DLGAP1: variants seen among roughly 807,000 people sequenced by gnomAD.
DLGAP1 encodes disks large-associated protein 1.
In DLGAP1, 11 loss-of-function variants were observed where a neutral mutation model predicts 90.8. That is an observed-to-expected ratio of 0.12 (90% confidence interval 0.08 to 0.20). The LOEUF (loss-of-function observed/expected upper bound fraction) is 0.20, where lower values mean the gene tolerates loss of function less well. DLGAP1 is among the 10% of genes least tolerant of loss of function. The pLI is 1.00. For missense variants in DLGAP1, 1,050 were observed against 1,333.8 expected (o/e 0.79, Z 3.31); for synonymous variants, 558 against 540.7 (o/e 1.03, Z -0.44).
intron 2 of DLGAP1, among the ~76,000 whole-genome samples, chr18:4,123,328 G>A (rs1206166082): frequency 6.6e-6 from 1 of 152,070 alleles, no homozygotes; most frequent in Non-Finnish European, 1.5e-5. Flanking sequence ...AATGTAGGCC[G>A]AGGAAACTGT....
intron 3 of DLGAP1, among the ~76,000 whole-genome samples, chr18:3,959,668 A>AG (rs200027051): frequency 0.22 from 32,548 of 149,114 alleles, 3,646 homozygotes; most frequent in African/African-American, 0.26. Context: ...TGTCTCAAAA[A>AG]AAAAGAAAGA....
intron 4 of DLGAP1, among the ~76,000 whole-genome samples, chr18:3,865,782 C>T (rs1216509366): frequency 6.6e-6 from 1 of 152,162 alleles, no homozygotes; most frequent in Admixed American, 6.5e-5. Context: ...ACGGCTACCC[C>T]AGAAACTTCC....
intron 3 of DLGAP1, among the ~76,000 whole-genome samples, chr18:3,887,808 G>A (rs561087594): frequency 6.7e-5 from 10 of 148,916 alleles, no homozygotes; most frequent in Admixed American, 2.0e-4. Flanking sequence ...GCACTTTTGC[G>A]TAAAAGTAAA....
At chr18:3,576,135 T>C (rs926421322) in intron 8 of DLGAP1, among the ~76,000 whole-genome samples, 8 of 152,192 alleles carry the variant, frequency 5.3e-5, no homozygotes, top group Admixed American at 2.0e-4. Context: ...GGCCTCCTTG[T>C]CAGCTGGTTT....
At chr18:3,589,162 T>G (rs994699818) in intron 7 of DLGAP1, among the ~76,000 whole-genome samples, 1 of 151,940 alleles carries the variant, frequency 6.6e-6, no homozygotes, top group Admixed American at 6.6e-5. Flanking sequence ...CACTCCAGCC[T>G]GGGCGACAGA....
intron 1 of DLGAP1, among the ~76,000 whole-genome samples, chr18:4,308,434 T>C (rs1313932142): frequency 6.6e-6 from 1 of 152,206 alleles, no homozygotes; most frequent in African/African-American, 2.4e-5. Flanking sequence ...TTTAAAATAA[T>C]CTGTGTATTA....
chr18:4,449,915 T>C (rs2083776317), intron 1 of DLGAP1, among the ~76,000 whole-genome samples: 1 of 152,136 alleles, frequency 6.6e-6, no homozygotes, highest in African/African-American at 2.4e-5. Context: ...CTGAACTACC[T>C]AGGCAAGGAT....
chr18:3,612,529 C>T (rs1006971607), intron 7 of DLGAP1, among the ~76,000 whole-genome samples: 23 of 152,146 alleles, frequency 1.5e-4, no homozygotes, highest in African/African-American at 5.1e-4. Context: ...GATGCCATCC[C>T]GTATCCATGG....
chr18:4,165,994 T>TA lies in DLGAP1; in HGVS notation c.-266-14708dup, dbSNP rs373744006. Among the ~76,000 whole-genome samples the TA allele has an allele frequency of 2.0e-3, 308 of 152,002 alleles. 2 individuals are homozygous for TA. Among genetic ancestry groups the TA allele is most frequent in the African/African-American group, 6.7e-3 (279 of 41,444 alleles). On this transcript the variant is annotated intron_variant, in intron 1 of 12. Transcript: ENST00000315677. ...ACAATGTAGTGAGACCCTGTCTATA[T>TA]AAAAAATCAAAAAAATTAGCCAGGC...
chr18:3,740,959 CCACCACCACCATCACAT>C (rs1255001345), intron 6 of DLGAP1, among the ~76,000 whole-genome samples: 1 of 145,120 alleles, frequency 6.9e-6, no homozygotes, highest in Non-Finnish European at 1.5e-5. Context: ...ACTGTCACCA[CCACCACCACCATCACAT>C]CACCACCACC....
intron 9 of DLGAP1, among the ~76,000 whole-genome samples, chr18:3,552,967 T>G (rs949982473): frequency 1.3e-4 from 3 of 23,796 alleles, no homozygotes; most frequent in South Asian, 2.0e-3. Flanking sequence ...ATTTTGCTGT[T>G]TTTTTTTTTC....
rs1243810472 is a variant in DLGAP1 at position 4,042,453 on chromosome 18, C to T, written c.-158-37252G>A. Among the ~76,000 whole-genome samples the T allele has an allele frequency of 7.9e-5, 12 of 152,252 alleles. No individual in the cohort carries two copies. In the South Asian group the frequency reaches 1.5e-3, roughly 18 times the overall value. On this transcript the variant is annotated intron_variant, in intron 2 of 12. Coordinates refer to ENST00000315677, the MANE Select transcript of DLGAP1 (RefSeq NM_004746.4). Reference sequence around the variant, plus strand: ...TTATTTTTCACCAAGATGAAGATAGCCTTCAGGACACCGCTTGTCCACACC... The same window carrying T: ...TTATTTTTCACCAAGATGAAGATAGTCTTCAGGACACCGCTTGTCCACACC...
rs537167295 is a variant in DLGAP1, at chr18:4,355,064, T to G, written c.-267+99942A>C. On this transcript the variant is annotated intron_variant, in intron 1 of 12. Coordinates refer to ENST00000315677, the MANE Select transcript of DLGAP1 (RefSeq NM_004746.4). ...TGTACAGCCGCTCTGGGAAACAGTTTGGCAGTGTCTTTTAAAACTAAACAT... is the reference window on the plus strand; with the variant it reads ...TGTACAGCCGCTCTGGGAAACAGTTGGGCAGTGTCTTTTAAAACTAAACAT... Among the ~76,000 whole-genome samples, 15 of 152,300 alleles carry G rather than the reference T, an allele frequency of 9.8e-5. No homozygotes were observed. The East Asian group carries it at 1.4e-3, about 14-fold the overall frequency.
chr18:3,947,328 A>C (rs1267764394), intron 3 of DLGAP1, among the ~76,000 whole-genome samples: 1 of 152,224 alleles, frequency 6.6e-6, no homozygotes, highest in Non-Finnish European at 1.5e-5. Flanking sequence ...TTGTCTGATC[A>C]TGGTGCTGAC....
chr18:4,090,583 G>A (rs1472882796), intron 2 of DLGAP1, among the ~76,000 whole-genome samples: 1 of 152,198 alleles, frequency 6.6e-6, no homozygotes, highest in Admixed American at 6.5e-5. Flanking sequence ...TTATTAAAAA[G>A]TCAAGAAACA....
intron 3 of DLGAP1, among the ~76,000 whole-genome samples, chr18:3,938,966 C>T (rs2072704413): frequency 6.6e-6 from 1 of 152,180 alleles, no homozygotes; most frequent in Non-Finnish European, 1.5e-5. Context: ...TATGTATACA[C>T]TATGTTCATC....
rs150252351 is a variant in DLGAP1 at position 4,150,455 on chromosome 18, A to G, written c.-159+725T>C. Among the ~76,000 whole-genome samples the G allele has an allele frequency of 4.7e-3, 719 of 152,026 alleles. 5 individuals are homozygous for G. Among genetic ancestry groups the G allele is most frequent in the Middle Eastern group, 0.017 (5 of 292 alleles). On this transcript the variant is annotated intron_variant, in intron 2 of 12. Coordinates refer to ENST00000315677, the MANE Select transcript of DLGAP1 (RefSeq NM_004746.4). ...ACCCTGGCTGGAGTGCAGTGGTGCA[A>G]TCTCGGCTCACTGCAACCTGTGCCT...
Position 3,772,390 on chromosome 18 carries a change from T to C in DLGAP1, c.1173-29878A>G, listed in dbSNP as rs1315076223. ...TTTCTTTCTTTCTTTCTTTCTTTCTTTCTTTCTTTCTTTCTTTCTCTTTCT... is the reference window on the plus strand; with the variant it reads ...TTTCTTTCTTTCTTTCTTTCTTTCTCTCTTTCTTTCTTTCTTTCTCTTTCT... On this transcript the variant is annotated intron_variant, in intron 5 of 12. Coordinates refer to ENST00000315677, the MANE Select transcript of DLGAP1 (RefSeq NM_004746.4). Among the ~76,000 whole-genome samples, 6 of 30,194 alleles carry C rather than the reference T, an allele frequency of 2.0e-4. No individual in the cohort carries two copies. In the South Asian group the frequency reaches 5.0e-3, roughly 25 times the overall value. The allele number at this position is 30,194 out of a possible 152,430, so 19.8% of individuals were successfully genotyped here. A position where few individuals can be genotyped will look rare whatever the true frequency, so the allele number is the denominator to read the frequency against.
intron 5 of DLGAP1, among the ~76,000 whole-genome samples, chr18:3,804,205 G>T (rs2066459634): frequency 6.6e-6 from 1 of 151,992 alleles, no homozygotes; most frequent in Non-Finnish European, 1.5e-5. Flanking sequence ...GGCTGGTCTT[G>T]AGCTCCTGGC....
Sources: allele counts gnomAD v4.1 joint callset (sites outside exome capture counted in the v4.1 genomes callset), GRCh38; gene constraint gnomAD v4.1.1; transcripts MANE v1.5; gene names NCBI Gene and HGNC (gene_info 2026-07-23, HGNC 2026-07-21).